TNFRSF13B: variants seen among roughly 807,000 people sequenced by gnomAD.
TNFRSF13B encodes the protein tumor necrosis factor receptor superfamily member 13B.
TNFRSF13B carries 34 observed loss-of-function variants against 24.0 expected under a neutral mutation model. The ratio of observed to expected loss-of-function variants is 1.41; its 90% CI spans 1.08 to 1.88. The LOEUF (loss-of-function observed/expected upper bound fraction) is 1.88. TNFRSF13B is among the 40% of genes most tolerant of loss of function. The probability of loss-of-function intolerance (pLI) is 0.00; values close to 1 mark genes in which losing one functional copy is unlikely to be tolerated. For synonymous variants in TNFRSF13B, 173 were observed against 150.3 expected (o/e 1.15, Z -1.10); for missense variants, 415 against 380.8 (o/e 1.09, Z -0.75).
chr17:16,946,310 C>T (rs1161189658), intron 3 of TNFRSF13B, among the ~76,000 whole-genome samples: 1 of 152,200 alleles, frequency 6.6e-6, no homozygotes, highest in Non-Finnish European at 1.5e-5. Flanking sequence ...CCAAGAAGAG[C>T]AGGACAGGCC....
chr17:16,952,515 G>A lies in TNFRSF13B; in HGVS notation c.130C>T (p.Leu44=). 6.2e-7 allele frequency: 1 copy of A among 1,614,236 alleles called. No homozygotes were observed. Among genetic ancestry groups the A allele is most frequent in the Non-Finnish European group, 8.5e-7 (1 of 1,180,044 alleles). Residue 44 remains leucine (L), a synonymous_variant, in exon 2 of 5, where the codon CTG becomes TTG. Coordinates refer to ENST00000261652, the MANE Select transcript of TNFRSF13B (RefSeq NM_012452.3). Reference sequence around the variant, plus strand: ...GTTTTGCAGGACATGCAGGTACCCAGCAGAGGATCCCAGTACTGCTCTTCG... The same window carrying A: ...GTTTTGCAGGACATGCAGGTACCCAACAGAGGATCCCAGTACTGCTCTTCG... ...CPEEQYWDPL[L]GTCMSCKTIC...
chr17:16,948,610 G>A (rs1017845834), intron 3 of TNFRSF13B, 128 bp downstream of exon 3: 2 of 1,317,138 alleles, frequency 1.5e-6, no homozygotes, highest in African/African-American at 2.9e-5. Flanking sequence ...GATCTCCCTG[G>A]CTTCTGGCCA....
intron 1 of TNFRSF13B, among the ~76,000 whole-genome samples, chr17:16,968,145 AAAAAAAAAAAAG>A (rs986437444): frequency 3.5e-4 from 45 of 130,144 alleles, no homozygotes; most frequent in African/African-American, 1.3e-3. Context: ...CTGTCTCAAA[AAAAAAAAAAAAG>A]AAAAAAGAAA....
At chr17:16,968,007 G>A (rs1287200959) in intron 1 of TNFRSF13B, among the ~76,000 whole-genome samples, 1 of 150,970 alleles carries the variant, frequency 6.6e-6, no homozygotes, top group African/African-American at 2.4e-5. Flanking sequence ...CGGGTGTGGT[G>A]GCGGATGCCT....
intron 3 of TNFRSF13B, among the ~76,000 whole-genome samples, chr17:16,944,009 C>T (rs1413974806): frequency 1.3e-5 from 2 of 152,114 alleles, no homozygotes; most frequent in Non-Finnish European, 2.9e-5. Context: ...AGCTTGGGAG[C>T]CTGCCCTCCT....
Position 16,939,475 on chromosome 17 carries a change from TCTCCCCA to T in TNFRSF13B, c.*65_*71del. ...TCTCTCTCCTCATATCTCTCTCCCC[TCTCCCCA>T]CCTCTCTTTCTCTCTCCCCTCCTCT... On this transcript the variant is annotated 3_prime_UTR_variant, in exon 5 of 5. Coordinates refer to ENST00000261652, the MANE Select transcript of TNFRSF13B (RefSeq NM_012452.3). 1 of 1,490,742 alleles carries T rather than the reference TCTCCCCA, an allele frequency of 6.7e-7. No homozygotes were observed. The highest frequency in any genetic ancestry group is 1.7e-4 in the Middle Eastern group (1 of 5,778). 92.3% of individuals were successfully genotyped at this position (1,490,742 alleles called of 1,614,324 possible). A position where few individuals can be genotyped will look rare whatever the true frequency, so the allele number is the denominator to read the frequency against.
At chr17:16,940,786 G>A in intron 3 of TNFRSF13B, 1 of 1,374,426 alleles carries the variant, frequency 7.3e-7, no homozygotes. Flanking sequence ...CTGTAATTGG[G>A]ACAGCGCTGG....
At position 16,939,778 on chromosome 17, in the gene TNFRSF13B, G is replaced by T. The variant is rs1181767013; in HGVS notation, c.651C>A (p.Gly217=). 6.8e-6 allele frequency: 11 copies of T among 1,611,474 alleles called. No individual in the cohort carries two copies. The African/African-American group carries it at 8.0e-5, about 12-fold the overall frequency. ...KSSQDHAMEA[G]SPVSTSPEPV... is the part of the protein sequence containing the mutation. ...GCTCGGGGGATGTGCTCACAGGGCT[G>T]CCGGCTTCCATCGCGTGATCTGCAG... is the stretch of plus-strand genomic sequence containing the variant. Residue 217 remains glycine, a synonymous_variant, in exon 5 of 5, where the codon GGC becomes GGA. Coordinates refer to ENST00000261652, the MANE Select transcript of TNFRSF13B (RefSeq NM_012452.3).
At chr17:16,950,096 ATAAAT>A (rs1052558803) in intron 2 of TNFRSF13B, among the ~76,000 whole-genome samples, 1 of 152,148 alleles carries the variant, frequency 6.6e-6, no homozygotes, top group Non-Finnish European at 1.5e-5. Context: ...GTAAATATGA[ATAAAT>A]AAATAAATAA....
intron 1 of TNFRSF13B, among the ~76,000 whole-genome samples, chr17:16,967,201 TTGAC>T (rs1265225551): frequency 6.6e-6 from 1 of 152,118 alleles, no homozygotes; most frequent in Non-Finnish European, 1.5e-5. Context: ...CAGCAGGGAA[TTGAC>T]TGAGTAAATT....
chr17:16,948,819 G>A lies in TNFRSF13B; in HGVS notation c.364C>T (p.Arg122Trp), dbSNP rs201124889. 1.5e-4 allele frequency: 236 copies of A among 1,614,044 alleles called. No individual in the cohort carries two copies. Among genetic ancestry groups the A allele is most frequent in the Admixed American group, 2.7e-4 (16 of 60,000 alleles). ...VNLPPELRRQ[R>W]SGEVENNSDN... ...GAATTGTTTTCAACTTCTCCACTCCGCTGTCTCCTGAGCTCTGGTGGAAGG... is the reference window on the plus strand; with the variant it reads ...GAATTGTTTTCAACTTCTCCACTCCACTGTCTCCTGAGCTCTGGTGGAAGG... The change falls in exon 3 of 5, where the codon CGG (arginine) becomes TGG (tryptophan). Residue 122 changes from arginine (R) to tryptophan (W), a missense_variant. Arg to Trp is a moderately radical substitution (Grantham distance 101). Transcript: ENST00000261652.
rs186690115 is a variant in TNFRSF13B at position 16,959,591 on chromosome 17, G to T, written c.62-7008C>A. Among the ~76,000 whole-genome samples the T allele has an allele frequency of 2.0e-5, 3 of 152,012 alleles. No individual in the cohort carries two copies. The East Asian group carries it at 5.8e-4, about 29-fold the overall frequency. ...AAATTGACAAACCTTTAGGTAGACT[G>T]ACTATGAAAAAGAGAGATGACTCAT... On this transcript the variant is annotated intron_variant, in intron 1 of 4. Coordinates refer to ENST00000261652, the MANE Select transcript of TNFRSF13B (RefSeq NM_012452.3).
chr17:16,963,551 G>T (rs549150652), intron 1 of TNFRSF13B, among the ~76,000 whole-genome samples: 5 of 147,676 alleles, frequency 3.4e-5, no homozygotes, highest in African/African-American at 1.1e-4. Context: ...TTTTGTTTTT[G>T]TTTTTTTGGT....
chr17:16,942,220 C>CA (rs2143645491), intron 3 of TNFRSF13B, among the ~76,000 whole-genome samples: 1 of 152,278 alleles, frequency 6.6e-6, no homozygotes, highest in East Asian at 1.9e-4. Context: ...TTACAGATGA[C>CA]AAAACTGAGT....
rs150375859 is a variant in TNFRSF13B at position 16,941,170 on chromosome 17, A to G, written c.446-659T>C. ...GCTGCAGAGGTTCAGTACAGATGCA[A>G]CTATCCCCTATCTTTTCTGAGTATT... is the stretch of plus-strand genomic sequence containing the variant. On this transcript the variant is annotated intron_variant, in intron 3 of 4. Coordinates refer to ENST00000261652, the MANE Select transcript of TNFRSF13B (RefSeq NM_012452.3). 13 of 955,782 alleles carry G rather than the reference A, an allele frequency of 1.4e-5. No homozygotes were observed. In the African/African-American group the frequency reaches 1.8e-4, roughly 13 times the overall value. The allele number at this position is 955,782 out of a possible 1,614,324, so 59.2% of individuals were successfully genotyped here.
chr17:16,946,592 A>AT (rs200643890), intron 3 of TNFRSF13B, among the ~76,000 whole-genome samples: 2,221 of 121,452 alleles, frequency 0.018, 44 homozygotes, highest in Admixed American at 0.053. Context: ...TTATTTATTT[A>AT]TTTATTTTTT....
intron 1 of TNFRSF13B, among the ~76,000 whole-genome samples, chr17:16,966,764 A>ATT (rs71152836): frequency 0.026 from 3,507 of 136,122 alleles, 145 homozygotes; most frequent in African/African-American, 0.088. Context: ...TTACAGCAAC[A>ATT]TTTTTTTTTT....
intron 3 of TNFRSF13B, among the ~76,000 whole-genome samples, chr17:16,944,000 G>A (rs949465765): frequency 3.0e-4 from 46 of 152,172 alleles, no homozygotes; most frequent in African/African-American, 1.1e-3. Flanking sequence ...TTTCAGTCCA[G>A]CTTGGGAGCC....
intron 4 of TNFRSF13B, 53 bp from the exon 5 acceptor site, chr17:16,939,850 A>G: frequency 6.4e-7 from 1 of 1,570,970 alleles, no homozygotes; most frequent in Non-Finnish European, 8.6e-7. Context: ...GCACTAGGGT[A>G]GGGGTGACGG....
Sources: gnomAD v4.1 joint callset for allele counts (sites outside exome capture counted in the v4.1 genomes callset) on GRCh38, gnomAD v4.1.1 for gene constraint, MANE v1.5 for transcripts, NCBI Gene and HGNC (gene_info 2026-07-23, HGNC 2026-07-21) for gene names.